Variants in CCDC171 observed in about 807,000 individuals in gnomAD.
CCDC171 encodes coiled-coil domain-containing protein 171.
A neutral mutation model predicts 168.2 loss-of-function variants in CCDC171; 177 were observed. The observed-to-expected ratio is 1.05, with a 90% CI of 0.93 to 1.19. The LOEUF (loss-of-function observed/expected upper bound fraction) is 1.19, where lower values mean the gene tolerates loss of function less well. Among genes scored for constraint, CCDC171 ranks in the 50% most tolerant of loss-of-function variants. CCDC171 has a pLI of 0.00. For missense variants in CCDC171, 1,991 were observed against 1,539.0 expected, an observed-to-expected ratio of 1.29 and a Z score of -4.91; for synonymous variants, 687 against 540.8, an observed-to-expected ratio of 1.27 and a Z score of -3.75.
chr9:15,743,165 T>C (rs2055012036), intron 16 of CCDC171, among the ~76,000 whole-genome samples: 2 of 12,084 alleles, frequency 1.7e-4, no homozygotes, highest in East Asian at 4.2e-3. Context: ...TTTTTTTTTT[T>C]TTTTTTTTTT....
chr9:15,805,893 G>A (rs749605400), intron 21 of CCDC171, among the ~76,000 whole-genome samples: 1 of 152,044 alleles, frequency 6.6e-6, no homozygotes, highest in Non-Finnish European at 1.5e-5. Flanking sequence ...GGGAGACTAA[G>A]TCTCTTTGAA....
At chr9:16,036,264 G>C (rs1429664341) in intron 8 of CCDC171, 1 of 152,222 alleles carries the variant, frequency 6.6e-6, no homozygotes, top group Non-Finnish European at 1.5e-5. Flanking sequence ...GGAAAGGCAA[G>C]TATTTGTGAA....
chr9:15,895,571 C>G (rs1402958171), intron 24 of CCDC171, among the ~76,000 whole-genome samples: 1 of 152,050 alleles, frequency 6.6e-6, no homozygotes, highest in African/African-American at 2.4e-5. Flanking sequence ...TCCAAAGTCT[C>G]CAAAGCAGCT....
downstream of CCDC171, among the ~76,000 whole-genome samples, chr9:15,976,814 T>C (rs912128470): frequency 6.6e-6 from 1 of 152,108 alleles, no homozygotes; most frequent in Non-Finnish European, 1.5e-5. Context: ...CAATGTACTA[T>C]GTGAATCCAT....
chr9:15,841,063 T>C (rs2060659016), intron 21 of CCDC171, among the ~76,000 whole-genome samples: 1 of 152,076 alleles, frequency 6.6e-6, no homozygotes, highest in Non-Finnish European at 1.5e-5. Flanking sequence ...CAGATAATCA[T>C]GAGGCATTAT....
the CCDC171 span, among the ~76,000 whole-genome samples, chr9:16,086,806 G>T: frequency 2.0e-5 from 3 of 152,188 alleles, no homozygotes; most frequent in Admixed American, 2.0e-4. Flanking sequence ...TGTGATGTTA[G>T]GGTTTTAGAT....
intron 6 of CCDC171, among the ~76,000 whole-genome samples, chr9:15,602,632 C>CTTTTTTTTT (rs1050799184): frequency 5.8e-4 from 18 of 31,018 alleles, no homozygotes; most frequent in African/African-American, 1.3e-3. Context: ...TTTCTCATTT[C>CTTTTTTTTT]TTTTTTTTTT....
chr9:15,987,575 C>T (rs190411804), intron 3 of CCDC171, among the ~76,000 whole-genome samples: 1 of 152,242 alleles, frequency 6.6e-6, no homozygotes, highest in East Asian at 1.9e-4. Flanking sequence ...TTGGCAGTAG[C>T]CAAATCCTGA....
intron 7 of CCDC171, among the ~76,000 whole-genome samples, chr9:15,634,354 G>C (rs2046025833): frequency 6.6e-6 from 1 of 151,762 alleles, no homozygotes; most frequent in Non-Finnish European, 1.5e-5. Flanking sequence ...TTCTACAAAG[G>C]GATATCTGCT....
chr9:16,067,145 A>T, the CCDC171 span, among the ~76,000 whole-genome samples: 2 of 151,918 alleles, frequency 1.3e-5, no homozygotes, highest in Non-Finnish European at 2.9e-5. Flanking sequence ...CTTTTTAATG[A>T]TGGCCATTCT....
rs916940613 is a variant in CCDC171 at position 15,559,009 on chromosome 9, G to T, written c.-111-4969G>T. The stretch of plus-strand genomic sequence containing the variant: ...TTATGTACCCAGCAGTCATTCAGGA[G>T]CAGGTTGTTCAGTTTCCACGTAGTT... On this transcript the variant is annotated intron_variant, in intron 1 of 25. Coordinates refer to ENST00000380701, the MANE Select transcript of CCDC171 (RefSeq NM_173550.4). 3.3e-5 allele frequency among the ~76,000 whole-genome samples: 5 copies of T among 152,168 alleles called. 1 individual carries two copies. The highest frequency in any genetic ancestry group is 5.9e-5 in the Non-Finnish European group (4 of 68,020).
chr9:15,874,520 T>C lies in CCDC171; in HGVS notation c.3469-12T>C. The C allele has an allele frequency of 1.3e-6, 2 of 1,584,360 alleles. No homozygotes were observed. The highest frequency in any genetic ancestry group is 1.7e-6 in the Non-Finnish European group (2 of 1,165,708). ...AGGGGAATTACCATTGATGCTGTTT[T>C]TTTCCCTTTAGGTCAGAGATCAGAT... On this transcript the variant is annotated splice_polypyrimidine_tract_variant and intron_variant, in intron 23 of 25. Coordinates refer to ENST00000380701, the MANE Select transcript of CCDC171 (RefSeq NM_173550.4).
chr9:16,077,629 A>C, the CCDC171 span, among the ~76,000 whole-genome samples: 1 of 152,184 alleles, frequency 6.6e-6, no homozygotes, highest in African/African-American at 2.4e-5. Context: ...CACAGGTTGG[A>C]GCCAACCTCA....
intron 25 of CCDC171, among the ~76,000 whole-genome samples, chr9:15,920,712 A>G (rs1046826159): frequency 2.0e-5 from 3 of 151,806 alleles, no homozygotes; most frequent in Non-Finnish European, 2.9e-5. Flanking sequence ...GGCAGTATGC[A>G]TAGTTAAAGC....
chr9:15,684,525 T>C lies in CCDC171; in HGVS notation c.1215+5629T>C, dbSNP rs1011133116. Among the ~76,000 whole-genome samples the C allele has an allele frequency of 2.0e-5, 3 of 152,192 alleles. No homozygotes were observed. The South Asian group carries it at 6.2e-4, about 32-fold the overall frequency. On this transcript the variant is annotated intron_variant, in intron 10 of 25. Transcript: ENST00000380701. The stretch of plus-strand genomic sequence containing the variant: ...TATAAATATTTATATATAGTTTTTA[T>C]ATGTTTCTTCAAGGCTCTCAATCGA...
chr9:15,680,987 G>A (rs2050002149), intron 10 of CCDC171, among the ~76,000 whole-genome samples: 1 of 151,996 alleles, frequency 6.6e-6, no homozygotes, highest in African/African-American at 2.4e-5. Flanking sequence ...AAATGAGACT[G>A]GTTTAACTCA....
chr9:15,998,630 G>A (rs1328270), intron 3 of CCDC171, among the ~76,000 whole-genome samples: 2,737 of 152,256 alleles, frequency 0.018, 100 homozygotes, highest in African/African-American at 0.063. Flanking sequence ...TTGCTGATAG[G>A]TTGGACCTTC....
intron 6 of CCDC171, among the ~76,000 whole-genome samples, chr9:15,604,592 C>T (rs1284181033): frequency 6.6e-6 from 1 of 151,970 alleles, no homozygotes; most frequent in Non-Finnish European, 1.5e-5. Context: ...GAGTTTGTGA[C>T]GGTATGGGAA....
chr9:15,957,539 G>C (rs778597671), intron 25 of CCDC171, among the ~76,000 whole-genome samples: 1 of 152,140 alleles, frequency 6.6e-6, no homozygotes, highest in African/African-American at 2.4e-5. Context: ...TTGAACAAAA[G>C]ATGCTAATGT....
Sources: gnomAD v4.1 joint callset for allele counts (sites outside exome capture counted in the v4.1 genomes callset) on GRCh38, gnomAD v4.1.1 for gene constraint, MANE v1.5 for transcripts, NCBI Gene and HGNC (gene_info 2026-07-23, HGNC 2026-07-21) for gene names.